The following CCSER1 variants were observed in gnomAD, a reference collection of about 807,000 sequenced individuals.
The protein encoded by CCSER1 is serine-rich coiled-coil domain-containing protein 1.
In CCSER1, 41 loss-of-function variants were observed where a neutral mutation model predicts 82.0. That is an observed-to-expected ratio of 0.50 (90% CI 0.39 to 0.65). The LOEUF (loss-of-function observed/expected upper bound fraction) is 0.65, where lower values mean the gene tolerates loss of function less well. Among genes scored for constraint, CCSER1 ranks in the 30% least tolerant of loss-of-function variants. The probability of loss-of-function intolerance (pLI) is 0.00; values close to 1 mark genes in which losing one functional copy is unlikely to be tolerated. For synonymous variants in CCSER1, 414 were observed against 383.9 expected (o/e 1.08, Z -0.92); for missense variants, 1,119 against 1,064.2 (o/e 1.05, Z -0.72).
rs1307419626 is a variant in CCSER1 at position 90,933,022 on chromosome 4, A to AAG, written c.2172+9577_2172+9578dup. Among the ~76,000 whole-genome samples, 14 of 95,562 alleles carry AAG rather than the reference A, an allele frequency of 1.5e-4. 3 individuals carry two copies. Among genetic ancestry groups the AAG allele is most frequent in the African/African-American group, 7.7e-4 (14 of 18,138 alleles). The allele number at this position is 95,562 out of a possible 152,430, so 62.7% of individuals were successfully genotyped here. ...AAAGAAAGAAAGAAAGAAAGAAAGAAAGAAAGAAAGAAAGAAAGAAAGAGA... is the reference window on the plus strand; with the variant it reads ...AAAGAAAGAAAGAAAGAAAGAAAGAAAGAGAAAGAAAGAAAGAAAGAAAGAGA... On this transcript the variant is annotated intron_variant, in intron 9 of 10. Coordinates refer to ENST00000509176, the MANE Select transcript of CCSER1 (RefSeq NM_001145065.2).
chr4:90,138,150 G>T (rs1233224975), intron 1 of CCSER1, among the ~76,000 whole-genome samples: 15 of 152,144 alleles, frequency 9.9e-5, no homozygotes, highest in Non-Finnish European at 7.3e-5. Flanking sequence ...AGTGAGAAAT[G>T]GATGAATAAA....
intron 10 of CCSER1, among the ~76,000 whole-genome samples, chr4:91,222,174 G>A (rs1335864273): frequency 1.3e-5 from 2 of 151,026 alleles, no homozygotes; most frequent in Non-Finnish European, 3.0e-5. Context: ...AGGGCTGAAT[G>A]AAGAAGCACG....
At chr4:91,446,568 C>A (rs1411791550) in intron 10 of CCSER1, among the ~76,000 whole-genome samples, 1 of 83,398 alleles carries the variant, frequency 1.2e-5, no homozygotes, top group African/African-American at 4.9e-5. Flanking sequence ...TGCTATTTTT[C>A]TTTCTATTCT....
At chr4:90,546,313 G>A (rs1776736415) in intron 5 of CCSER1, among the ~76,000 whole-genome samples, 1 of 152,114 alleles carries the variant, frequency 6.6e-6, no homozygotes, top group Admixed American at 6.6e-5. Flanking sequence ...GCCAAATTCA[G>A]TGTAAGACAA....
At chr4:91,574,067 T>G (rs1343293354) in intron 10 of CCSER1, among the ~76,000 whole-genome samples, 1 of 152,028 alleles carries the variant, frequency 6.6e-6, no homozygotes. Flanking sequence ...TTAATATTTT[T>G]TAAATATTCC....
At chr4:90,701,303 G>A (rs999933594) in intron 6 of CCSER1, among the ~76,000 whole-genome samples, 21 of 152,048 alleles carry the variant, frequency 1.4e-4, no homozygotes, top group Non-Finnish European at 2.9e-4. Flanking sequence ...TAGATGTGTG[G>A]TATTATTTCT....
chr4:90,395,390 T>C (rs774197687), intron 3 of CCSER1, among the ~76,000 whole-genome samples: 17 of 152,234 alleles, frequency 1.1e-4, no homozygotes, highest in African/African-American at 1.2e-4. Context: ...TTTTTCTTGT[T>C]TTTACATTTT....
intron 10 of CCSER1, among the ~76,000 whole-genome samples, chr4:91,534,788 A>G (rs898889318): frequency 6.6e-6 from 1 of 151,902 alleles, no homozygotes; most frequent in Non-Finnish European, 1.5e-5. Flanking sequence ...TATCCTAATT[A>G]CTTTGGACAT....
chr4:91,024,435 A>T (rs58270102), intron 9 of CCSER1, among the ~76,000 whole-genome samples: 4 of 151,924 alleles, frequency 2.6e-5, no homozygotes, highest in African/African-American at 7.2e-5. Context: ...TATTTTTTTT[A>T]AATTCTGAGA....
intron 10 of CCSER1, among the ~76,000 whole-genome samples, chr4:91,509,338 C>A (rs1386380906): frequency 1.3e-5 from 2 of 151,936 alleles, no homozygotes; most frequent in Non-Finnish European, 2.9e-5. Flanking sequence ...TCTCTTCCAC[C>A]AATTGGTTAT....
intron 10 of CCSER1, among the ~76,000 whole-genome samples, chr4:91,434,254 A>C (rs1396912540): frequency 1.3e-5 from 2 of 152,072 alleles, no homozygotes; most frequent in Non-Finnish European, 2.9e-5. Context: ...GGGAATGTTA[A>C]AATAGGGGTA....
At chr4:91,451,993 C>T (rs1268852842) in intron 10 of CCSER1, among the ~76,000 whole-genome samples, 1 of 151,948 alleles carries the variant, frequency 6.6e-6, no homozygotes, top group African/African-American at 2.4e-5. Flanking sequence ...AGACTTATCT[C>T]TATTTCATTT....
intron 5 of CCSER1, among the ~76,000 whole-genome samples, chr4:90,491,934 G>A (rs557005874): frequency 1.1e-4 from 16 of 152,280 alleles, no homozygotes; most frequent in Middle Eastern, 3.4e-3. Flanking sequence ...TTTTATTGAG[G>A]ATTTTTGCAT....
At chr4:91,062,875 G>C (rs975276111) in intron 9 of CCSER1, among the ~76,000 whole-genome samples, 2 of 151,960 alleles carry the variant, frequency 1.3e-5, no homozygotes, top group Non-Finnish European at 2.9e-5. Flanking sequence ...TAATATTGTT[G>C]TACCTTGTTT....
intron 10 of CCSER1, among the ~76,000 whole-genome samples, chr4:91,168,060 C>T (rs1247256068): frequency 7.4e-5 from 11 of 149,246 alleles, no homozygotes; most frequent in Non-Finnish European, 1.6e-4. Context: ...CTCTGCCCAG[C>T]CGCCCTGTCT....
At chr4:91,235,699 A>G (rs1368876476) in intron 10 of CCSER1, among the ~76,000 whole-genome samples, 1 of 152,110 alleles carries the variant, frequency 6.6e-6, no homozygotes, top group African/African-American at 2.4e-5. Context: ...ACGTAAGGTC[A>G]ATTAGAAGTA....
intron 8 of CCSER1, among the ~76,000 whole-genome samples, chr4:90,907,381 GGACTTGA>G (rs75746822): frequency 0.053 from 8,123 of 152,022 alleles, 315 homozygotes; most frequent in East Asian, 0.12. Context: ...GGAATGTTTG[GGACTTGA>G]TGTGTTGAAA....
At chr4:90,764,005 T>C (rs988910142) in intron 7 of CCSER1, among the ~76,000 whole-genome samples, 5 of 152,182 alleles carry the variant, frequency 3.3e-5, no homozygotes, top group Non-Finnish European at 7.3e-5. Context: ...CCTAATTCCT[T>C]GCTTAAAATG....
intron 10 of CCSER1, among the ~76,000 whole-genome samples, chr4:91,405,138 A>C (rs1752612771): frequency 6.6e-6 from 1 of 151,402 alleles, no homozygotes; most frequent in Non-Finnish European, 1.5e-5. Context: ...TGATCCCTTT[A>C]CCATTATGTA....
Sources: allele counts gnomAD v4.1 joint callset (sites outside exome capture counted in the v4.1 genomes callset), GRCh38; gene constraint gnomAD v4.1.1; transcripts MANE v1.5; gene names NCBI Gene and HGNC (gene_info 2026-07-23, HGNC 2026-07-21).